TP63: variants seen among roughly 807,000 people sequenced by gnomAD.
TP63 encodes tumor protein p63, also known as tumor protein 63.
Under a neutral mutation model 82.8 loss-of-function variants are expected in TP63, and 17 were observed. That is an observed-to-expected ratio of 0.21 (90% CI 0.14 to 0.31). The LOEUF (loss-of-function observed/expected upper bound fraction) is 0.31, where lower values mean the gene tolerates loss of function less well. Among genes scored for constraint, TP63 ranks in the 10% least tolerant of loss-of-function variants. The pLI is 1.00. For missense variants in TP63, 648 were observed against 895.3 expected (o/e 0.72, Z 3.52); for synonymous variants, 330 against 321.7 (o/e 1.03, Z -0.28).
chr3:189,889,659 A>C (rs1720817521), intron 12 of TP63, among the ~76,000 whole-genome samples, 175 bp downstream of exon 12: 1 of 152,216 alleles, frequency 6.6e-6, no homozygotes, highest in South Asian at 2.1e-4. Context: ...TATCAAGGAA[A>C]ACTACTATAA....
chr3:189,662,608 A>G (rs1194683706), intron 1 of TP63, among the ~76,000 whole-genome samples: 1 of 152,062 alleles, frequency 6.6e-6, no homozygotes, highest in East Asian at 1.9e-4. Flanking sequence ...TCTTCATAAT[A>G]TGTAGAATTT....
At chr3:189,720,395 GA>G (rs1214929536) in intron 1 of TP63, among the ~76,000 whole-genome samples, 1 of 152,038 alleles carries the variant, frequency 6.6e-6, no homozygotes, top group Non-Finnish European at 1.5e-5. Flanking sequence ...ATTGTACATA[GA>G]ATGTTCTCAT....
rs139085145 is a variant in TP63, at chr3:189,721,548, G to T, written c.63-16192G>T. ...TGGCAAGACACAACAAGAATCCTTGGGTTGCTCTGCTGAAGTGGGCGGCAG... is the reference window on the plus strand; with the variant it reads ...TGGCAAGACACAACAAGAATCCTTGTGTTGCTCTGCTGAAGTGGGCGGCAG... On this transcript the variant is annotated intron_variant, in intron 1 of 13. Coordinates refer to ENST00000264731, the MANE Select transcript of TP63 (RefSeq NM_003722.5). 1.9e-4 allele frequency among the ~76,000 whole-genome samples: 29 copies of T among 152,120 alleles called. No individual in the cohort carries two copies. In the East Asian group the frequency reaches 5.6e-3, roughly 29 times the overall value.
intron 1 of TP63, among the ~76,000 whole-genome samples, chr3:189,729,370 T>C (rs1358374795): frequency 6.6e-6 from 1 of 152,064 alleles, no homozygotes; most frequent in East Asian, 1.9e-4. Flanking sequence ...TAAAAGGTCA[T>C]GGAAGAAGCA....
chr3:189,663,836 C>T (rs928618979), intron 1 of TP63, among the ~76,000 whole-genome samples: 76 of 151,868 alleles, frequency 5.0e-4, no homozygotes, highest in African/African-American at 1.3e-3. Flanking sequence ...CCTGAGCCAC[C>T]GCACCCAGCC....
chr3:189,740,518 T>TTTTTTTTTTTTTTTTGAGACG (rs1577332431), intron 3 of TP63, among the ~76,000 whole-genome samples: 1 of 152,094 alleles, frequency 6.6e-6, no homozygotes, highest in African/African-American at 2.4e-5. Context: ...TGTTTTTTTA[T>TTTTTTTTTTTTTTTTGAGACG]GAGCAGGGTC....
intron 1 of TP63, among the ~76,000 whole-genome samples, chr3:189,717,861 T>A (rs1719078729): frequency 6.6e-6 from 1 of 152,214 alleles, no homozygotes; most frequent in South Asian, 2.1e-4. Context: ...ATAGAGTTAG[T>A]AGTAACAGGA....
intron 4 of TP63, among the ~76,000 whole-genome samples, chr3:189,821,810 C>G (rs1356186192): frequency 6.6e-6 from 1 of 152,054 alleles, no homozygotes; most frequent in African/African-American, 2.4e-5. Flanking sequence ...GAAAATGTCC[C>G]CTTAACTGCT....
rs541076830 is a variant in TP63 at position 189,896,813 on chromosome 3, G to A, written c.*2311G>A. The A allele has an allele frequency of 9.5e-6, 2 of 209,678 alleles. No individual in the cohort carries two copies. The highest frequency in any genetic ancestry group is 1.9e-4 in the South Asian group (1 of 5,320). The allele number at this position is 209,678 out of a possible 1,614,324, so 13.0% of individuals were successfully genotyped here. Reference sequence around the variant, plus strand: ...CTCCTTGAGTGTATGAGTAGCCAGGGTAAGGGGTAAAAGGATAGTAAGCAT... The same window carrying A: ...CTCCTTGAGTGTATGAGTAGCCAGGATAAGGGGTAAAAGGATAGTAAGCAT... On this transcript the variant is annotated 3_prime_UTR_variant, in exon 14 of 14. Coordinates refer to ENST00000264731, the MANE Select transcript of TP63 (RefSeq NM_003722.5).
chr3:189,877,861 A>G (rs186714879), intron 10 of TP63, among the ~76,000 whole-genome samples: 67 of 152,248 alleles, frequency 4.4e-4, no homozygotes, highest in Middle Eastern at 3.4e-3. Flanking sequence ...TTAAACATCT[A>G]TTTCCATTTT....
intron 4 of TP63, among the ~76,000 whole-genome samples, chr3:189,819,461 C>T (rs1267666281): frequency 1.3e-5 from 2 of 151,958 alleles, no homozygotes; most frequent in African/African-American, 4.8e-5. Flanking sequence ...CACCCCACAA[C>T]AGTCCCCAGT....
intron 3 of TP63, among the ~76,000 whole-genome samples, chr3:189,739,460 A>G (rs1402860001): frequency 2.0e-5 from 3 of 152,162 alleles, no homozygotes; most frequent in Non-Finnish European, 4.4e-5. Flanking sequence ...GGCACTTCCT[A>G]CTATGACAAA....
At chr3:189,717,888 G>A (rs927081092) in intron 1 of TP63, among the ~76,000 whole-genome samples, 3 of 152,178 alleles carry the variant, frequency 2.0e-5, no homozygotes, top group Admixed American at 1.3e-4. Context: ...TTAAATGCAA[G>A]GGATAGAATT....
At chr3:189,644,927 A>G (rs1393462686) in intron 1 of TP63, among the ~76,000 whole-genome samples, 2 of 109,288 alleles carry the variant, frequency 1.8e-5, no homozygotes, top group African/African-American at 3.5e-5. Context: ...TTTTTTTTTT[A>G]TGGTGAAATG....
chr3:189,625,262 C>T, the TP63 span, among the ~76,000 whole-genome samples: 1 of 152,050 alleles, frequency 6.6e-6, no homozygotes, highest in African/African-American at 2.4e-5. Flanking sequence ...TGTTGGTAGG[C>T]GTTAAAAAGA....
At chr3:189,651,676 T>A (rs1488061896) in intron 1 of TP63, among the ~76,000 whole-genome samples, 1 of 145,906 alleles carries the variant, frequency 6.9e-6, no homozygotes, top group African/African-American at 2.6e-5. Flanking sequence ...GGGGAAAATG[T>A]CTCCAGGGCA....
At chr3:189,611,003 G>A in the TP63 span, among the ~76,000 whole-genome samples, 3 of 152,104 alleles carry the variant, frequency 2.0e-5, no homozygotes, top group Non-Finnish European at 4.4e-5. Context: ...GCATGGGAAG[G>A]ACCTGCCCCC....
intron 10 of TP63, among the ~76,000 whole-genome samples, chr3:189,884,105 T>C (rs894067033): frequency 1.6e-4 from 24 of 152,180 alleles, no homozygotes; most frequent in African/African-American, 5.1e-4. Context: ...ATCAGGAATA[T>C]GGGCTACCTG....
At chr3:189,837,111 A>G (rs1397746315) in intron 4 of TP63, among the ~76,000 whole-genome samples, 1 of 151,966 alleles carries the variant, frequency 6.6e-6, no homozygotes, top group African/African-American at 2.4e-5. Flanking sequence ...ACTCTTCCCA[A>G]CAGGCAGAGG....
Sources: allele counts gnomAD v4.1 joint callset (sites outside exome capture counted in the v4.1 genomes callset), GRCh38; gene constraint gnomAD v4.1.1; transcripts MANE v1.5; gene names NCBI Gene and HGNC (gene_info 2026-07-23, HGNC 2026-07-21).